MICU1: variants seen among roughly 807,000 people sequenced by gnomAD.
MICU1 encodes the protein mitochondrial calcium uptake 1, also known as calcium uptake protein 1, mitochondrial.
MICU1 carries 45 observed loss-of-function variants against 56.8 expected under a neutral mutation model. The ratio of observed to expected loss-of-function variants is 0.79; its 90% CI spans 0.62 to 1.02. The LOEUF is 1.02. Among genes scored for constraint, MICU1 ranks in the 50% least tolerant of loss-of-function variants. MICU1 has a pLI of 0.00. For synonymous variants in MICU1, 186 were observed against 195.1 expected, an observed-to-expected ratio of 0.95 and a Z score of 0.39; for missense variants, 504 against 587.1, an observed-to-expected ratio of 0.86 and a Z score of 1.46.
At chr10:72,466,371 T>C (rs1414302144) in intron 8 of MICU1, among the ~76,000 whole-genome samples, 2 of 152,208 alleles carry the variant, frequency 1.3e-5, no homozygotes, top group Non-Finnish European at 2.9e-5. Context: ...ATTTTTGAAC[T>C]ACAGTTGACG....
chr10:72,509,381 A>G (rs763305147), intron 5 of MICU1: 1 of 1,335,980 alleles, frequency 7.5e-7, no homozygotes, highest in South Asian at 1.2e-5. Context: ...CAGTTACACA[A>G]CTATCCAATG....
intron 4 of MICU1, 46 bp downstream of exon 4, chr10:72,551,133 T>C (rs764566194): frequency 1.3e-6 from 2 of 1,535,248 alleles, no homozygotes; most frequent in Non-Finnish European, 8.8e-7. Context: ...AAGTAGCCTA[T>C]AACAAAATAA....
At position 72,549,388 on chromosome 10, in the gene MICU1, G is replaced by T. The variant is rs1004530227; in HGVS notation, c.493+1791C>A. Among the ~76,000 whole-genome samples, 4 of 151,350 alleles carry T rather than the reference G, an allele frequency of 2.6e-5. No individual in the cohort carries two copies. The East Asian group carries it at 7.8e-4, about 29-fold the overall frequency. On this transcript the variant is annotated intron_variant, in intron 4 of 11. Coordinates refer to ENST00000361114, the MANE Select transcript of MICU1 (RefSeq NM_001195518.2). ...TTATTTTTTGTAGAGATGGGGTTTC[G>T]CCATGTTGCCCAGGCTGGTCCTCAA...
intron 5 of MICU1, chr10:72,528,811 A>T: frequency 5.3e-6 from 1 of 186,938 alleles, no homozygotes; most frequent in Non-Finnish European, 1.2e-5. Flanking sequence ...ACTCGAATAA[A>T]GCACGAAGAA....
At chr10:72,515,316 T>C (rs1867613224) in intron 5 of MICU1, among the ~76,000 whole-genome samples, 1 of 152,198 alleles carries the variant, frequency 6.6e-6, no homozygotes, top group Non-Finnish European at 1.5e-5. Context: ...TGACTGACAA[T>C]TTTTGGCAGC....
intron 3 of MICU1, among the ~76,000 whole-genome samples, chr10:72,551,740 C>A (rs376538188): frequency 1.3e-5 from 2 of 152,022 alleles, no homozygotes; most frequent in African/African-American, 4.8e-5. Context: ...AATACCAAGT[C>A]TTTTTTTCTA....
intron 10 of MICU1, among the ~76,000 whole-genome samples, chr10:72,403,777 T>A (rs181169591): frequency 1.1e-4 from 17 of 151,826 alleles, no homozygotes; most frequent in Admixed American, 3.9e-4. Context: ...TGCCTCAGCC[T>A]CCCAAGTAGT....
intron 10 of MICU1, chr10:72,379,467 A>T (rs1862631788): frequency 3.1e-6 from 1 of 326,424 alleles, no homozygotes; most frequent in Non-Finnish European, 6.2e-6. Context: ...CATCAACCTT[A>T]AGCTTCTGAC....
chr10:72,488,035 A>G (rs1211146360), intron 6 of MICU1, among the ~76,000 whole-genome samples: 1 of 152,018 alleles, frequency 6.6e-6, no homozygotes, highest in Non-Finnish European at 1.5e-5. Flanking sequence ...CGTCTCTACT[A>G]AAAATACAAA....
intron 5 of MICU1, among the ~76,000 whole-genome samples, chr10:72,531,965 A>G (rs146900931): frequency 0.027 from 4,006 of 149,470 alleles, 174 homozygotes; most frequent in African/African-American, 0.095. Context: ...CAATGGCACA[A>G]TCTTGGCTCA....
intron 6 of MICU1, among the ~76,000 whole-genome samples, chr10:72,503,905 C>A (rs1867158669): frequency 6.6e-6 from 1 of 150,556 alleles, no homozygotes. Context: ...CACACATACA[C>A]CCTAGGAATA....
intron 1 of MICU1, among the ~76,000 whole-genome samples, chr10:72,615,076 T>C (rs1324386424): frequency 6.8e-6 from 1 of 147,558 alleles, no homozygotes; most frequent in Non-Finnish European, 1.5e-5. Flanking sequence ...ATTTGTCTGA[T>C]TGCTTCCTTG....
chr10:72,585,675 T>A (rs57164436), intron 1 of MICU1, among the ~76,000 whole-genome samples: 3,256 of 150,846 alleles, frequency 0.022, 120 homozygotes, highest in African/African-American at 0.076. Context: ...AAAAAAAAAA[T>A]TCATTTTAAA....
chr10:72,577,970 C>A (rs1840793366), intron 1 of MICU1, among the ~76,000 whole-genome samples: 1 of 152,104 alleles, frequency 6.6e-6, no homozygotes, highest in African/African-American at 2.4e-5. Flanking sequence ...GATAAGGCAG[C>A]AGCAGGGTTT....
intron 5 of MICU1, among the ~76,000 whole-genome samples, chr10:72,520,932 C>T (rs1438224554): frequency 3.3e-5 from 5 of 152,080 alleles, no homozygotes; most frequent in Non-Finnish European, 7.4e-5. Flanking sequence ...TTCAAAGCAG[C>T]TTTGAGCAGG....
intron 11 of MICU1, among the ~76,000 whole-genome samples, chr10:72,373,961 T>C (rs533048096): frequency 2.4e-4 from 37 of 152,352 alleles, no homozygotes; most frequent in South Asian, 6.2e-4. Flanking sequence ...ATGTAGCTAA[T>C]AGCCACATGT....
At chr10:72,623,080 C>G (rs1842141416) in intron 1 of MICU1, among the ~76,000 whole-genome samples, 1 of 151,650 alleles carries the variant, frequency 6.6e-6, no homozygotes, top group African/African-American at 2.4e-5. Context: ...ACCAGCCTGG[C>G]CAACATAGTA....
chr10:72,501,430 AG>A (rs987725818), intron 6 of MICU1, among the ~76,000 whole-genome samples: 1 of 150,484 alleles, frequency 6.6e-6, no homozygotes, highest in Admixed American at 6.6e-5. Context: ...AGTTTGCTAA[AG>A]GTTTTTTTTT....
chr10:72,611,262 C>T (rs991240127), intron 1 of MICU1, among the ~76,000 whole-genome samples: 2 of 149,108 alleles, frequency 1.3e-5, no homozygotes, highest in Non-Finnish European at 3.0e-5. Flanking sequence ...GAGATCGCTC[C>T]ACTGCACTCC....
Sources: allele counts gnomAD v4.1 joint callset (sites outside exome capture counted in the v4.1 genomes callset), GRCh38; gene constraint gnomAD v4.1.1; transcripts MANE v1.5; gene names NCBI Gene and HGNC (gene_info 2026-07-23, HGNC 2026-07-21).